Variants in MAP2K1 observed in about 807,000 individuals in gnomAD.
The protein encoded by MAP2K1 is dual specificity mitogen-activated protein kinase kinase 1.
In MAP2K1, 16 loss-of-function variants were observed where a neutral mutation model predicts 46.3. The ratio of observed to expected loss-of-function variants is 0.35; its 90% CI spans 0.23 to 0.52. The LOEUF (loss-of-function observed/expected upper bound fraction) is 0.52, where lower values mean the gene tolerates loss of function less well. Among genes scored for constraint, MAP2K1 ranks in the 20% least tolerant of loss-of-function variants. MAP2K1 has a pLI of 0.94. For missense variants in MAP2K1, 263 were observed against 497.1 expected (o/e 0.53, Z 4.48); for synonymous variants, 183 against 185.6 (o/e 0.99, Z 0.11).
At chr15:66,430,588 GA>G (rs1177554972) in intron 1 of MAP2K1, among the ~76,000 whole-genome samples, 1 of 152,178 alleles carries the variant, frequency 6.6e-6, no homozygotes, top group Non-Finnish European at 1.5e-5. Flanking sequence ...GTGGGGCCTA[GA>G]AAGGAGCTCT....
chr15:66,456,074 C>T (rs1407977951), intron 5 of MAP2K1, among the ~76,000 whole-genome samples: 1 of 152,132 alleles, frequency 6.6e-6, no homozygotes, highest in East Asian at 1.9e-4. Context: ...TATTCGCCTA[C>T]CTCCTCAGTC....
intron 5 of MAP2K1, among the ~76,000 whole-genome samples, chr15:66,459,936 T>C (rs1567017623): frequency 6.6e-6 from 1 of 152,328 alleles, no homozygotes; most frequent in South Asian, 2.1e-4. Flanking sequence ...GAAGTCAGAG[T>C]GGCCCCTGCC....
rs139992989 is a variant in MAP2K1 at position 66,470,758 on chromosome 15, T to C, written c.569-10997T>C. On this transcript the variant is annotated intron_variant, in intron 5 of 10. Transcript: ENST00000307102. ...CAGAATCCCTTGGTGGTTACCAAAATGTGAACCCTGAATAACTGAGACAGG... is the reference window on the plus strand; with the variant it reads ...CAGAATCCCTTGGTGGTTACCAAAACGTGAACCCTGAATAACTGAGACAGG... 9.0e-3 allele frequency among the ~76,000 whole-genome samples: 1,367 copies of C among 152,222 alleles called. 21 individuals are homozygous for C. The highest frequency in any genetic ancestry group is 0.036 in the East Asian group (188 of 5,168).
intron 5 of MAP2K1, among the ~76,000 whole-genome samples, chr15:66,467,467 C>G (rs1041562531): frequency 6.6e-6 from 1 of 152,162 alleles, no homozygotes; most frequent in African/African-American, 2.4e-5. Context: ...CTGCCTAAAG[C>G]CACATGATTA....
At chr15:66,404,146 T>C (rs151311399) in intron 1 of MAP2K1, among the ~76,000 whole-genome samples, 7 of 152,238 alleles carry the variant, frequency 4.6e-5, no homozygotes, top group Non-Finnish European at 1.0e-4. Flanking sequence ...CGTCCACTGA[T>C]AAAACTAGGT....
At chr15:66,414,015 A>G (rs1018632058) in intron 1 of MAP2K1, among the ~76,000 whole-genome samples, 1 of 131,938 alleles carries the variant, frequency 7.6e-6, no homozygotes, top group Non-Finnish European at 1.5e-5. Flanking sequence ...CGTGGCTCTT[A>G]TCATCATCTT....
At chr15:66,431,896 C>A (rs945832152) in intron 1 of MAP2K1, among the ~76,000 whole-genome samples, 1 of 152,104 alleles carries the variant, frequency 6.6e-6, no homozygotes, top group Non-Finnish European at 1.5e-5. Context: ...GCCCCTGTGC[C>A]CCTGTGTTCT....
chr15:66,387,491 A>AGC (rs1315672669), intron 1 of MAP2K1, 64 bp downstream of exon 1: 2 of 1,472,262 alleles, frequency 1.4e-6, no homozygotes, highest in East Asian at 5.0e-5. Flanking sequence ...GGGGAGCAGG[A>AGC]GCGCGCGCCA....
intron 1 of MAP2K1, among the ~76,000 whole-genome samples, chr15:66,409,512 G>C (rs1390464717): frequency 6.6e-6 from 1 of 152,108 alleles, no homozygotes; most frequent in Non-Finnish European, 1.5e-5. Flanking sequence ...ATGGCACCTG[G>C]TGGCTTCTCA....
At chr15:66,411,769 T>C (rs185312624) in intron 1 of MAP2K1, among the ~76,000 whole-genome samples, 37 of 152,342 alleles carry the variant, frequency 2.4e-4, no homozygotes, top group South Asian at 6.2e-4. Context: ...AGAAAAGATA[T>C]ATATATGTAT....
chr15:66,466,667 G>T (rs751237340), intron 5 of MAP2K1, among the ~76,000 whole-genome samples: 1 of 152,054 alleles, frequency 6.6e-6, no homozygotes, highest in African/African-American at 2.4e-5. Context: ...GCAACAGAGC[G>T]AGACTGCATC....
intron 3 of MAP2K1, 52 bp from the exon 4 acceptor site, chr15:66,443,228 G>T: frequency 8.3e-7 from 1 of 1,211,390 alleles, no homozygotes; most frequent in South Asian, 1.2e-5. Flanking sequence ...GTTATCACTT[G>T]AAAGAATAGT....
chr15:66,439,448 A>G (rs1312839156), intron 3 of MAP2K1, among the ~76,000 whole-genome samples: 2 of 152,164 alleles, frequency 1.3e-5, no homozygotes, highest in Non-Finnish European at 2.9e-5. Flanking sequence ...CCTGGCCAAC[A>G]TGGTGAAAAC....
chr15:66,448,188 C>T (rs1260429220), intron 5 of MAP2K1, among the ~76,000 whole-genome samples: 1 of 151,792 alleles, frequency 6.6e-6, no homozygotes, highest in Non-Finnish European at 1.5e-5. Flanking sequence ...CTATTTCCCC[C>T]TTTCCCCATC....
At chr15:66,427,570 T>A (rs542869168) in intron 1 of MAP2K1, among the ~76,000 whole-genome samples, 9 of 151,370 alleles carry the variant, frequency 5.9e-5, no homozygotes, top group South Asian at 2.1e-4. Flanking sequence ...AAAAAAAAAA[T>A]AATAATAATA....
At chr15:66,477,264 A>G (rs1030656830) in intron 5 of MAP2K1, among the ~76,000 whole-genome samples, 4 of 152,210 alleles carry the variant, frequency 2.6e-5, no homozygotes, top group African/African-American at 4.8e-5. Flanking sequence ...GATCAGATAC[A>G]AGGACAGCTA....
intron 5 of MAP2K1, chr15:66,446,715 C>T: frequency 5.5e-6 from 2 of 365,268 alleles, no homozygotes; most frequent in African/African-American, 2.1e-5. Flanking sequence ...GAACTGCCTG[C>T]TCCCATTGGT....
intron 5 of MAP2K1, among the ~76,000 whole-genome samples, chr15:66,467,567 A>G (rs994032743): frequency 6.6e-6 from 1 of 151,986 alleles, no homozygotes; most frequent in African/African-American, 2.4e-5. Context: ...AGAAGCAAAG[A>G]TCTTTTTTTT....
At chr15:66,489,355 A>G in intron 9 of MAP2K1, 79 bp downstream of exon 9, 1 of 1,329,328 alleles carries the variant, frequency 7.5e-7, no homozygotes, top group African/African-American at 1.4e-5. Context: ...AAGCACCAGC[A>G]TTGCTTCTGC....
Sources: allele counts gnomAD v4.1 joint callset (sites outside exome capture counted in the v4.1 genomes callset), GRCh38; gene constraint gnomAD v4.1.1; transcripts MANE v1.5; gene names NCBI Gene and HGNC (gene_info 2026-07-23, HGNC 2026-07-21).